The following MYOM1 variants were observed in gnomAD, a reference collection of about 807,000 sequenced individuals.
MYOM1 encodes the protein myomesin 1, also known as myomesin-1.
MYOM1 carries 164 observed loss-of-function variants against 205.3 expected under a neutral mutation model. That is an observed-to-expected ratio of 0.80 (90% CI 0.70 to 0.91). The LOEUF (loss-of-function observed/expected upper bound fraction) is 0.91, where lower values mean the gene tolerates loss of function less well. MYOM1 is among the 40% of genes least tolerant of loss of function. The pLI is 0.00. For synonymous variants in MYOM1, 772 were observed against 789.4 expected (o/e 0.98, Z 0.37); for missense variants, 2,011 against 2,127.3 (o/e 0.95, Z 1.08).
chr18:3,123,096 G>A (rs1469384303), intron 19 of MYOM1, among the ~76,000 whole-genome samples: 3 of 152,156 alleles, frequency 2.0e-5, no homozygotes, highest in Non-Finnish European at 4.4e-5. Flanking sequence ...AAAGTGCTGG[G>A]ATTACAGGTG....
At chr18:3,147,967 G>A (rs1416000735) in intron 13 of MYOM1, among the ~76,000 whole-genome samples, 1 of 152,028 alleles carries the variant, frequency 6.6e-6, no homozygotes, top group African/African-American at 2.4e-5. Flanking sequence ...CACAAAAACT[G>A]GCAAATAAAC....
chr18:3,143,230 T>C (rs1273807491), intron 13 of MYOM1, among the ~76,000 whole-genome samples: 1 of 67,258 alleles, frequency 1.5e-5, no homozygotes, highest in Non-Finnish European at 3.2e-5. Flanking sequence ...TGGACAAAGC[T>C]CTTAAAGTAC....
intron 22 of MYOM1, among the ~76,000 whole-genome samples, chr18:3,109,624 A>C (rs1206267773): frequency 1.3e-5 from 2 of 152,204 alleles, no homozygotes; most frequent in Non-Finnish European, 2.9e-5. Context: ...AGATCTCAGG[A>C]GGTTTATGTA....
At chr18:3,180,854 G>A (rs1417950672) in intron 5 of MYOM1, among the ~76,000 whole-genome samples, 1 of 151,852 alleles carries the variant, frequency 6.6e-6, no homozygotes, top group Non-Finnish European at 1.5e-5. Context: ...CTTTGGCAGT[G>A]TAAAGCATGA....
chr18:3,108,829 G>C (rs957679451), intron 22 of MYOM1, among the ~76,000 whole-genome samples: 2 of 151,936 alleles, frequency 1.3e-5, no homozygotes, highest in African/African-American at 4.8e-5. Flanking sequence ...GTGAGGCACC[G>C]TGTCCGGCCA....
At chr18:3,224,426 C>A (rs2081343905), upstream of MYOM1, among the ~76,000 whole-genome samples, 1 of 152,166 alleles carries the variant, frequency 6.6e-6, no homozygotes, top group Non-Finnish European at 1.5e-5. Context: ...GGAGGGGCCC[C>A]TGTGAGCTCC....
chr18:3,189,011 T>A lies in MYOM1; in HGVS notation c.508A>T (p.Asn170Tyr), dbSNP rs576602622. ...ATTCCTTCCTCACTAGCAAGAAGAT[T>A]CCTCTGGGCTATATAAGCAGCAGCT... is the stretch of plus-strand genomic sequence containing the variant. ...KEAAAYIAQRNLLASEEGITT... is the reference protein window; with the variant it reads ...KEAAAYIAQRYLLASEEGITT... Residue 170 changes from asparagine (N) to tyrosine (Y), a missense_variant, in exon 4 of 38, where the codon AAT (asparagine) becomes TAT (tyrosine). By Grantham distance (143) the Asn-to-Tyr change is moderately radical. Transcript: ENST00000356443. The surrounding 1 kb of genome is among the most constrained non-coding windows in gnomAD (Gnocchi z 4.8). 4.3e-6 allele frequency: 7 copies of A among 1,613,686 alleles called. No homozygotes were observed. The South Asian group carries it at 5.5e-5, about 13-fold the overall frequency.
chr18:3,094,618 C>G (rs918104227), intron 25 of MYOM1, among the ~76,000 whole-genome samples: 1 of 151,894 alleles, frequency 6.6e-6, no homozygotes, highest in African/African-American at 2.4e-5. Flanking sequence ...TAGCTAATAT[C>G]TGTAACTTTC....
chr18:3,147,438 T>C (rs1316712600), intron 13 of MYOM1, among the ~76,000 whole-genome samples: 1 of 152,140 alleles, frequency 6.6e-6, no homozygotes, highest in Non-Finnish European at 1.5e-5. Flanking sequence ...GCTGTTCGGC[T>C]GAAATCCCAG....
intron 17 of MYOM1, among the ~76,000 whole-genome samples, chr18:3,130,091 G>T (rs62074942): frequency 6.0e-5 from 9 of 150,358 alleles, no homozygotes; most frequent in African/African-American, 2.2e-4. Context: ...CCCCCAGGCT[G>T]GAGTGCACTG....
At chr18:3,240,446 A>T in the MYOM1 span, among the ~76,000 whole-genome samples, 1 of 152,194 alleles carries the variant, frequency 6.6e-6, no homozygotes, top group East Asian at 1.9e-4. Context: ...GATGGTTTTA[A>T]AAAGGAGAGT....
intron 25 of MYOM1, among the ~76,000 whole-genome samples, chr18:3,095,476 G>C (rs147195425): frequency 6.6e-6 from 1 of 152,290 alleles, no homozygotes; most frequent in African/African-American, 2.4e-5. Context: ...GCTGAGGCAG[G>C]AGAACTGCTT....
intron 22 of MYOM1, among the ~76,000 whole-genome samples, chr18:3,105,420 A>G (rs896161563): frequency 5.3e-5 from 8 of 152,234 alleles, no homozygotes; most frequent in Non-Finnish European, 1.0e-4. Flanking sequence ...TTTTCATCAG[A>G]AAGTCTTAAA....
chr18:3,186,159 G>A (rs2080806037), intron 5 of MYOM1, among the ~76,000 whole-genome samples: 1 of 151,920 alleles, frequency 6.6e-6, no homozygotes, highest in Non-Finnish European at 1.5e-5. Flanking sequence ...TTACATCACT[G>A]CATTCCAGCC....
At chr18:3,083,966 G>C (rs2079120393) in intron 32 of MYOM1, 23 bp downstream of exon 32, 1 of 1,586,308 alleles carries the variant, frequency 6.3e-7, no homozygotes, top group South Asian at 1.1e-5. Flanking sequence ...AAGCATTGTT[G>C]TGGTGCGAAA....
At chr18:3,110,350 G>C (rs181027881) in intron 22 of MYOM1, among the ~76,000 whole-genome samples, 1 of 152,104 alleles carries the variant, frequency 6.6e-6, no homozygotes, top group Non-Finnish European at 1.5e-5. Context: ...TTCAGACGAG[G>C]ACTGGCGGCT....
At chr18:3,102,207 T>C (rs2079388193) in intron 23 of MYOM1, among the ~76,000 whole-genome samples, 1 of 151,908 alleles carries the variant, frequency 6.6e-6, no homozygotes, top group Non-Finnish European at 1.5e-5. Flanking sequence ...GGTTTCACCA[T>C]GTTAGCCAGG....
In MYOM1 at chr18:3,084,032, G is replaced by A. The variant is rs777761886; in HGVS notation, c.4340-5C>T. On this transcript the variant is annotated splice_region_variant and splice_polypyrimidine_tract_variant and intron_variant, in intron 31 of 37. Coordinates refer to ENST00000356443, the MANE Select transcript of MYOM1 (RefSeq NM_003803.4). ...CCATCATCAGTTCCTTAAAGGCTGT[G>A]GAGAGAGATTCAGAGCCAAAACTTT... 1.9e-6 allele frequency: 3 copies of A among 1,577,450 alleles called. No individual in the cohort carries two copies. In the Admixed American group the frequency reaches 5.5e-5, roughly 29 times the overall value.
chr18:3,168,270 CAAAT>C (rs2080501299), intron 9 of MYOM1, among the ~76,000 whole-genome samples: 1 of 150,310 alleles, frequency 6.7e-6, no homozygotes, highest in South Asian at 2.1e-4. Flanking sequence ...GGTATTTTAC[CAAAT>C]GGATTAACTT....
Sources: gnomAD v4.1 joint callset for allele counts (sites outside exome capture counted in the v4.1 genomes callset) on GRCh38, gnomAD v4.1.1 for gene constraint, Gnocchi (gnomAD v3.1) non-coding constraint, MANE v1.5 for transcripts, NCBI Gene and HGNC (gene_info 2026-07-23, HGNC 2026-07-21) for gene names.